RNF220: variants seen among roughly 807,000 people sequenced by gnomAD.
RNF220 encodes the protein ring finger protein 220, also known as E3 ubiquitin-protein ligase RNF220.
Under a neutral mutation model 67.1 loss-of-function variants are expected in RNF220, and 7 were observed. The ratio of observed to expected loss-of-function variants is 0.10; its 90% CI spans 0.06 to 0.20. RNF220 has a LOEUF of 0.20. RNF220 is among the 10% of genes least tolerant of loss of function. The pLI, the probability that RNF220 is intolerant of heterozygous loss-of-function variation, is 1.00. For missense variants in RNF220, 565 were observed against 740.3 expected, an observed-to-expected ratio of 0.76 and a Z score of 2.75; for synonymous variants, 270 against 283.2, an observed-to-expected ratio of 0.95 and a Z score of 0.47.
At chr1:44,529,975 A>T (rs1263027021) in intron 2 of RNF220, among the ~76,000 whole-genome samples, 2 of 151,896 alleles carry the variant, frequency 1.3e-5, no homozygotes, top group Admixed American at 6.6e-5. Context: ...AATCGCTTGA[A>T]CCAGGGAGGT....
intron 2 of RNF220, among the ~76,000 whole-genome samples, chr1:44,524,625 C>T (rs6697012): frequency 0.03 from 4,635 of 152,308 alleles, 235 homozygotes; most frequent in African/African-American, 0.1. Flanking sequence ...CGCATCTCTC[C>T]TCTGTCTCTC....
In RNF220 at chr1:44,520,108, TGTGTGTGTGTGTGTGTGTGTGA is replaced by T. The variant is rs1227710798; in HGVS notation, c.626-94055_626-94034del. Among the ~76,000 whole-genome samples, 44 of 137,504 alleles carry T rather than the reference TGTGTGTGTGTGTGTGTGTGTGA, an allele frequency of 3.2e-4. 1 individual carries two copies. In the Admixed American group the frequency reaches 3.4e-3, roughly 11 times the overall value. The allele number at this position is 137,504 out of a possible 152,430, so 90.2% of individuals were successfully genotyped here. A position where few individuals can be genotyped will look rare whatever the true frequency, so the allele number is the denominator to read the frequency against. Reference sequence around the variant, plus strand: ...CATTGTGTGTGTGTGTGTGTGTGTGTGTGTGTGTGTGTGTGTGTGTGAGAGAGAGAGAGAGAGAAAGAGAGAG... The same window carrying T: ...CATTGTGTGTGTGTGTGTGTGTGTGTGAGAGAGAGAGAGAGAAAGAGAGAG... On this transcript the variant is annotated intron_variant, in intron 2 of 14. Coordinates refer to ENST00000361799, the MANE Select transcript of RNF220 (RefSeq NM_018150.4).
chr1:44,612,431 C>A (rs1186439431), intron 2 of RNF220, among the ~76,000 whole-genome samples: 1 of 152,342 alleles, frequency 6.6e-6, no homozygotes, highest in East Asian at 1.9e-4. Flanking sequence ...AATTTCACTT[C>A]TTTGGTTAAA....
Position 44,417,790 on chromosome 1 carries a change from G to A in RNF220, c.625+5068G>A, listed in dbSNP as rs941039506. ...GGAGAGGCGCGAGAACTGGCCCCGG[G>A]GAGGCCAGGCCACGGGGTGGGCCCC... On this transcript the variant is annotated intron_variant, in intron 2 of 14. Transcript: ENST00000361799. The surrounding 1 kb of genome is among the most constrained non-coding windows in gnomAD (Gnocchi z 4.0). Among the ~76,000 whole-genome samples, 5 of 152,164 alleles carry A rather than the reference G, an allele frequency of 3.3e-5. No individual in the cohort carries two copies. Among genetic ancestry groups the A allele is most frequent in the Admixed American group, 3.3e-4 (5 of 15,286 alleles).
At chr1:44,635,844 A>C in intron 7 of RNF220, 186 bp from the exon 8 acceptor site, 2 of 1,309,436 alleles carry the variant, frequency 1.5e-6, no homozygotes, top group Non-Finnish European at 2.1e-6. Flanking sequence ...CTTGGGCTCC[A>C]GCGGAAAACT....
intron 2 of RNF220, among the ~76,000 whole-genome samples, chr1:44,418,176 G>A (rs1397886769): frequency 6.6e-6 from 1 of 152,230 alleles, no homozygotes; most frequent in Non-Finnish European, 1.5e-5. Context: ...GGAGGCGCTA[G>A]TGGGTGCACG....
chr1:44,599,074 G>A (rs1480747554), intron 2 of RNF220, among the ~76,000 whole-genome samples: 1 of 152,012 alleles, frequency 6.6e-6, no homozygotes, highest in African/African-American at 2.4e-5. Context: ...TGTATGCCTA[G>A]GGTCTTGAGT....
intron 2 of RNF220, among the ~76,000 whole-genome samples, chr1:44,515,339 T>C (rs187816287): frequency 2.6e-5 from 4 of 152,250 alleles, no homozygotes; most frequent in African/African-American, 4.8e-5. Context: ...GTCAACACAA[T>C]TGAGTAGATG....
At chr1:44,474,299 C>T (rs1406749439) in intron 2 of RNF220, among the ~76,000 whole-genome samples, 3 of 151,598 alleles carry the variant, frequency 2.0e-5, no homozygotes, top group East Asian at 1.9e-4. Flanking sequence ...CGCTTGAACC[C>T]GGCAGGCGGA....
intron 2 of RNF220, among the ~76,000 whole-genome samples, chr1:44,418,019 C>T (rs564824133): frequency 3.9e-4 from 60 of 152,200 alleles, no homozygotes; most frequent in Non-Finnish European, 8.2e-4. Flanking sequence ...CCCGCCTCGC[C>T]CTCCACGTCC....
chr1:44,646,812 C>T (rs778530786), intron 12 of RNF220, among the ~76,000 whole-genome samples: 38 of 152,296 alleles, frequency 2.5e-4, no homozygotes, highest in East Asian at 3.9e-4. Context: ...CAGAGCTCTC[C>T]ACTGGGTCTG....
intron 2 of RNF220, among the ~76,000 whole-genome samples, chr1:44,527,466 T>A (rs965834291): frequency 6.6e-6 from 1 of 152,026 alleles, no homozygotes; most frequent in Non-Finnish European, 1.5e-5. Flanking sequence ...ATATCAGAAT[T>A]AATGAATTAA....
chr1:44,503,432 C>A (rs1658120779), intron 2 of RNF220, among the ~76,000 whole-genome samples: 1 of 151,406 alleles, frequency 6.6e-6, no homozygotes. Flanking sequence ...ACTCCAAATG[C>A]AGGCCAAGGG....
chr1:44,448,048 C>G (rs2147920096), intron 2 of RNF220, among the ~76,000 whole-genome samples: 1 of 152,310 alleles, frequency 6.6e-6, no homozygotes, highest in African/African-American at 2.4e-5. Flanking sequence ...CCTGTAATCC[C>G]AGCACTTTGG....
Position 44,622,384 on chromosome 1 carries a change from G to C in RNF220, c.759-358G>C, listed in dbSNP as rs1643834866. Among the ~76,000 whole-genome samples, 1 of 152,254 alleles carries C rather than the reference G, an allele frequency of 6.6e-6. No homozygotes were observed. The highest frequency in any genetic ancestry group is 1.5e-5 in the Non-Finnish European group (1 of 68,042). On this transcript the variant is annotated intron_variant, in intron 3 of 14. Coordinates refer to ENST00000361799, the MANE Select transcript of RNF220 (RefSeq NM_018150.4). The surrounding 1 kb of genome is among the most constrained non-coding windows in gnomAD (Gnocchi z 4.3). ...CCAATCCCACAGGAGCTAAGAGCGGGCTGGGAACAGGGGGTGGAGAGAAGG... is the reference window on the plus strand; with the variant it reads ...CCAATCCCACAGGAGCTAAGAGCGGCCTGGGAACAGGGGGTGGAGAGAAGG...
At chr1:44,584,607 C>T (rs1424740383) in intron 2 of RNF220, among the ~76,000 whole-genome samples, 1 of 152,180 alleles carries the variant, frequency 6.6e-6, no homozygotes, top group Non-Finnish European at 1.5e-5. Context: ...GGTACTGGAA[C>T]GTGGGGCTCA....
At chr1:44,525,636 T>C (rs1660311648) in intron 2 of RNF220, among the ~76,000 whole-genome samples, 2 of 152,318 alleles carry the variant, frequency 1.3e-5, no homozygotes, top group Non-Finnish European at 2.9e-5. Flanking sequence ...TACTTGTCAC[T>C]GTCATCTGCT....
At chr1:44,465,528 C>T (rs1488155295) in intron 2 of RNF220, among the ~76,000 whole-genome samples, 2 of 151,516 alleles carry the variant, frequency 1.3e-5, no homozygotes, top group African/African-American at 4.9e-5. Flanking sequence ...CCTCAGCTTC[C>T]TGAGTAGCTG....
rs199988429 is a variant in RNF220 at position 44,598,176 on chromosome 1, AAC to A, written c.626-15987_626-15986del. 1.5e-3 allele frequency among the ~76,000 whole-genome samples: 204 copies of A among 138,896 alleles called. 1 individual carries two copies. Among genetic ancestry groups the A allele is most frequent in the African/African-American group, 5.5e-3 (199 of 36,240 alleles). 91.1% of individuals were successfully genotyped at this position (138,896 alleles called of 152,430 possible). A position where few individuals can be genotyped will look rare whatever the true frequency, so the allele number is the denominator to read the frequency against. On this transcript the variant is annotated intron_variant, in intron 2 of 14. Transcript: ENST00000361799. ...TCCTGCCTGGTGATGGGGAGGGGGAAACAGGGAGGGGGCTAAGCCCAGAGTCC... is the reference window on the plus strand; with the variant it reads ...TCCTGCCTGGTGATGGGGAGGGGGAAAGGGAGGGGGCTAAGCCCAGAGTCC...
Sources: gnomAD v4.1 joint callset for allele counts (sites outside exome capture counted in the v4.1 genomes callset) on GRCh38, gnomAD v4.1.1 for gene constraint, Gnocchi (gnomAD v3.1) non-coding constraint, MANE v1.5 for transcripts, NCBI Gene and HGNC (gene_info 2026-07-23, HGNC 2026-07-21) for gene names.